TSBP1: variants seen among roughly 807,000 people sequenced by gnomAD.
TSBP1 encodes testis expressed basic protein 1, also known as testis-expressed basic protein 1.
Under a neutral mutation model 68.8 loss-of-function variants are expected in TSBP1, and 56 were observed. That is an observed-to-expected ratio of 0.81 (90% CI 0.66 to 1.02). The LOEUF is 1.02. Ranked by LOEUF, TSBP1 falls within the 50% of genes least tolerant of loss-of-function variation. The probability of loss-of-function intolerance (pLI) is 0.00; values close to 1 mark genes in which losing one functional copy is unlikely to be tolerated. For synonymous variants in TSBP1, 171 were observed against 208.7 expected (o/e 0.82, Z 1.56); for missense variants, 502 against 641.2 (o/e 0.78, Z 2.34).
chr6:32,322,451 C>A, intron 18 of TSBP1, 35 bp downstream of exon 20: 1 of 1,534,572 alleles, frequency 6.5e-7, no homozygotes, highest in Non-Finnish European at 9.0e-7. Flanking sequence ...AAGAAAAGTC[C>A]CCACATATGA....
At chr6:32,364,759 T>A (rs1326679485) in intron 6 of TSBP1, among the ~76,000 whole-genome samples, 1 of 152,174 alleles carries the variant, frequency 6.6e-6, no homozygotes, top group Non-Finnish European at 1.5e-5. Context: ...TGGGGGTTAG[T>A]TACTGAAATA....
chr6:32,349,984 G>A (rs1481052326), intron 8 of TSBP1: 1 of 742,016 alleles, frequency 1.3e-6, no homozygotes, highest in Admixed American at 1.8e-5. Flanking sequence ...TATGCAACCT[G>A]TCTTTCAATT....
exon 23 of TSBP1, chr6:32,293,145 C>A (rs968026247): frequency 6.3e-7 from 1 of 1,596,444 alleles, no homozygotes; most frequent in Non-Finnish European, 8.6e-7. Context: ...TTATTTGGAT[C>A]TTTCTCTGCA....
Position 32,333,923 on chromosome 6 carries a change from C to T in TSBP1, c.472+1514G>A. The stretch of plus-strand genomic sequence containing the variant: ...AAGATGGCTTTCCAGATCTGGATAC[C>T]CTTGGCTATGAGCAGTAAACCAGTT... On this transcript the variant is annotated intron_variant, in intron 14 of 22. Transcript: ENST00000612031. The surrounding 1 kb of genome is among the most constrained non-coding windows in gnomAD (Gnocchi z 4.2). The T allele has an allele frequency of 9.8e-6, 2 of 203,164 alleles. No individual in the cohort carries two copies. Among genetic ancestry groups the T allele is most frequent in the Non-Finnish European group, 2.1e-5 (2 of 93,532 alleles). 12.6% of individuals were successfully genotyped at this position (203,164 alleles called of 1,614,324 possible).
Position 32,338,859 on chromosome 6 carries a change from G to C in TSBP1, c.409+120C>G. 1.2e-6 allele frequency: 1 copy of C among 836,512 alleles called. No individual in the cohort carries two copies. Among genetic ancestry groups the C allele is most frequent in the Non-Finnish European group, 2.1e-6 (1 of 485,674 alleles). The allele number at this position is 836,512 out of a possible 1,614,324, so 51.8% of individuals were successfully genotyped here. On this transcript the variant is annotated intron_variant, in intron 11 of 22. Transcript: ENST00000612031. The surrounding 1 kb of genome is among the most constrained non-coding windows in gnomAD (Gnocchi z 5.5). ...AGATAAGAATAGGGAATAAACAAGG[G>C]GAAAGGAATGGACAATTTGTGAAAG... is the stretch of plus-strand genomic sequence containing the variant.
intron 1 of TSBP1, among the ~76,000 whole-genome samples, chr6:32,371,108 C>G (rs7763192): frequency 0.14 from 20,643 of 152,084 alleles, 1,597 homozygotes; most frequent in South Asian, 0.15. Flanking sequence ...GCCAAATCAA[C>G]TTTTGGAGAT....
chr6:32,358,610 T>C (rs995912542), intron 6 of TSBP1, among the ~76,000 whole-genome samples: 1 of 152,010 alleles, frequency 6.6e-6, no homozygotes, highest in African/African-American at 2.4e-5. Context: ...TTCCCCTTCC[T>C]GTGTCCAAGT....
At chr6:32,356,560 A>G (rs1483561193) in intron 6 of TSBP1, among the ~76,000 whole-genome samples, 1 of 152,084 alleles carries the variant, frequency 6.6e-6, no homozygotes, top group East Asian at 1.9e-4. Flanking sequence ...TCTCTAGTGA[A>G]AATACAAAAA....
At chr6:32,351,677 G>GA (rs1230679576) in intron 8 of TSBP1, among the ~76,000 whole-genome samples, 1 of 152,102 alleles carries the variant, frequency 6.6e-6, no homozygotes, top group Non-Finnish European at 1.5e-5. Flanking sequence ...TGAGTCCACA[G>GA]AATGGAAACT....
chr6:32,313,164 C>G (rs1157097829), intron 19 of TSBP1, among the ~76,000 whole-genome samples: 1 of 151,952 alleles, frequency 6.6e-6, no homozygotes, highest in Non-Finnish European at 1.5e-5. Context: ...GCATGTTGTA[C>G]TTGTTCCTTT....
chr6:32,294,562 TACTC>T (rs1279490268), intron 22 of TSBP1, among the ~76,000 whole-genome samples: 23 of 152,250 alleles, frequency 1.5e-4, no homozygotes, highest in African/African-American at 2.2e-4. Flanking sequence ...AATCATTTGA[TACTC>T]ACAACAACCA....
At chr6:32,362,288 C>CA (rs9257083) in intron 6 of TSBP1, among the ~76,000 whole-genome samples, 7,137 of 101,262 alleles carry the variant, frequency 0.07, 624 homozygotes, top group African/African-American at 0.19. Flanking sequence ...GACTCCGTCT[C>CA]AAAAAAAAAA....
intron 8 of TSBP1, 22 bp downstream of exon 8, chr6:32,355,102 A>C: frequency 6.2e-7 from 1 of 1,606,672 alleles, no homozygotes; most frequent in Non-Finnish European, 8.5e-7. Context: ...GTAGAATTGA[A>C]AGAAAACCAC....
At chr6:32,301,442 G>A (rs896504249) in intron 20 of TSBP1, among the ~76,000 whole-genome samples, 1 of 152,078 alleles carries the variant, frequency 6.6e-6, no homozygotes, top group Non-Finnish European at 1.5e-5. Flanking sequence ...GGCTGGCGCC[G>A]TGGCTCATGC....
At chr6:32,358,060 T>C (rs563098006) in intron 6 of TSBP1, among the ~76,000 whole-genome samples, 176 of 152,282 alleles carry the variant, frequency 1.2e-3, no homozygotes, top group Middle Eastern at 6.8e-3. Flanking sequence ...GTAGCTCACC[T>C]TTGTGTGGTT....
intron 15 of TSBP1, among the ~76,000 whole-genome samples, chr6:32,331,099 C>T (rs4711293): frequency 4.1e-4 from 62 of 152,310 alleles, no homozygotes; most frequent in African/African-American, 1.4e-3. Flanking sequence ...TCCATAAGAA[C>T]CAGATCTTCT....
rs892575287 is a variant in TSBP1, at chr6:32,303,683, GTTA to G, written c.581-1057_581-1055del. On this transcript the variant is annotated intron_variant, in intron 19 of 22. Transcript: ENST00000612031. Reference sequence around the variant, plus strand: ...ATAAATTTCTGTGATTTGCCTGATTGTTATGAGAGGCAAGTCCCAATTCTTTCA... The same window carrying G: ...ATAAATTTCTGTGATTTGCCTGATTGTGAGAGGCAAGTCCCAATTCTTTCA... Among the ~76,000 whole-genome samples, 47 of 152,240 alleles carry G rather than the reference GTTA, an allele frequency of 3.1e-4. 1 individual carries two copies. The highest frequency in any genetic ancestry group is 1.1e-3 in the African/African-American group (46 of 41,556).
rs1016937997 is a variant in TSBP1, at chr6:32,320,166, G to A, written c.559+2951C>T. 3 of 455,970 alleles carry A rather than the reference G, an allele frequency of 6.6e-6. No individual in the cohort carries two copies. In the Admixed American group the frequency reaches 7.1e-5, roughly 11 times the overall value. The allele number at this position is 455,970 out of a possible 1,614,324, so 28.2% of individuals were successfully genotyped here. ...GGATATTCTATGATATAAATACCCT[G>A]GGTTGTGGCTCTCTTCTTGGTGGCT... On this transcript the variant is annotated intron_variant, in intron 18 of 22. Transcript: ENST00000612031.
At chr6:32,327,776 G>C (rs4424116) in intron 16 of TSBP1, among the ~76,000 whole-genome samples, 49,361 of 148,068 alleles carry the variant, frequency 0.33, 9,305 homozygotes, top group Middle Eastern at 0.51. Flanking sequence ...TACCTGCCAC[G>C]AAGTCTGGCT....
Sources: allele counts gnomAD v4.1 joint callset (sites outside exome capture counted in the v4.1 genomes callset), GRCh38; gene constraint gnomAD v4.1.1; non-coding constraint Gnocchi (gnomAD v3.1); transcripts MANE v1.5; gene names NCBI Gene and HGNC (gene_info 2026-07-23, HGNC 2026-07-21).